Variants in GPC3 observed in about 807,000 individuals in gnomAD.
The protein encoded by GPC3 is glypican-3.
In GPC3, 3 loss-of-function variants were observed where a neutral mutation model predicts 34.4. The ratio of observed to expected loss-of-function variants is 0.09; its 90% CI spans 0.04 to 0.23. The LOEUF is 0.23. Ranked by LOEUF, GPC3 falls within the 10% of genes least tolerant of loss-of-function variation. The pLI is 1.00. For synonymous variants in GPC3, 177 were observed against 174.0 expected, an observed-to-expected ratio of 1.02 and a Z score of -0.13; for missense variants, 351 against 445.6, an observed-to-expected ratio of 0.79 and a Z score of 1.91.
Position 133,756,133 on chromosome X carries a change from G to A in GPC3, c.338-1957C>T, listed in dbSNP as rs143416903. On this transcript the variant is annotated intron_variant, in intron 2 of 7. Coordinates refer to ENST00000370818, the MANE Select transcript of GPC3 (RefSeq NM_004484.4). ...TCTACTTTTTACAACAATCTTTTAA[G>A]TTTGGTATTACAACTCCCATTTTAT... 4.6e-3 allele frequency among the ~76,000 whole-genome samples: 512 copies of A among 112,112 alleles called. 3 individuals carry two copies. Among genetic ancestry groups the A allele is most frequent in the African/African-American group, 0.016 (481 of 30,885 alleles).
At chrX:133,653,833 T>C (rs970495120) in intron 6 of GPC3, among the ~76,000 whole-genome samples, 1 of 112,045 alleles carries the variant, frequency 8.9e-6, no homozygotes, top group East Asian at 2.8e-4. Flanking sequence ...TATAAGAAAA[T>C]GTGTCTGTGT....
At chrX:133,791,753 G>A (rs753096387) in intron 2 of GPC3, among the ~76,000 whole-genome samples, 1 of 109,404 alleles carries the variant, frequency 9.1e-6, no homozygotes, top group African/African-American at 3.3e-5. Flanking sequence ...CACCCCACCT[G>A]CATCTCTCTC....
intron 3 of GPC3, among the ~76,000 whole-genome samples, chrX:133,711,708 G>C (rs1244121973): frequency 8.9e-6 from 1 of 111,875 alleles, no homozygotes; most frequent in East Asian, 2.8e-4. Context: ...GTATACAGGG[G>C]AAATTTCAAG....
chrX:133,922,345 T>C (rs1332652104), intron 2 of GPC3, among the ~76,000 whole-genome samples: 1 of 111,896 alleles, frequency 8.9e-6, no homozygotes, highest in African/African-American at 3.2e-5. Flanking sequence ...GTGTTTGTAC[T>C]AGTTGTGGTC....
chrX:133,604,270 A>G (rs891344426), intron 6 of GPC3, among the ~76,000 whole-genome samples: 1 of 111,999 alleles, frequency 8.9e-6, no homozygotes, highest in African/African-American at 3.2e-5. Flanking sequence ...ACATCAACGA[A>G]TGGGGCCTTC....
At chrX:133,681,110 G>T (rs2070938240) in intron 5 of GPC3, among the ~76,000 whole-genome samples, 1 of 111,847 alleles carries the variant, frequency 8.9e-6, no homozygotes, top group African/African-American at 3.2e-5. Context: ...TTTTTTATAG[G>T]TTTTTTTGAA....
intron 2 of GPC3, among the ~76,000 whole-genome samples, chrX:133,911,494 C>A (rs1224340263): frequency 9.0e-6 from 1 of 111,680 alleles, no homozygotes; most frequent in Non-Finnish European, 1.9e-5. Context: ...AGACAAGTCA[C>A]CAAAGGCTAA....
intron 2 of GPC3, among the ~76,000 whole-genome samples, chrX:133,833,050 G>C (rs1308577591): frequency 8.9e-6 from 1 of 112,214 alleles, no homozygotes; most frequent in Non-Finnish European, 1.9e-5. Context: ...AAATTAATTG[G>C]GTGGTGCCGT....
intron 2 of GPC3, among the ~76,000 whole-genome samples, chrX:133,892,785 A>G (rs969016287): frequency 9.0e-6 from 1 of 110,840 alleles, no homozygotes; most frequent in Non-Finnish European, 1.9e-5. Flanking sequence ...CAGTGTCCAC[A>G]CAACCGGCTA....
At chrX:133,665,064 C>A (rs1205819867) in intron 5 of GPC3, among the ~76,000 whole-genome samples, 1 of 112,037 alleles carries the variant, frequency 8.9e-6, no homozygotes. Flanking sequence ...TACTGATTAA[C>A]AGTAATTTGT....
Position 133,577,564 on chromosome X carries a change from T to C in GPC3, c.1573+18876A>G, listed in dbSNP as rs201658733. Among the ~76,000 whole-genome samples, 4 of 111,484 alleles carry C rather than the reference T, an allele frequency of 3.6e-5. No homozygotes were observed. In the East Asian group the frequency reaches 1.1e-3, roughly 31 times the overall value. ...TTACAGCATTCATCAAATGAGGTGCTCTGGGGGAGTCTGGGAAACTAGCCA... is the reference window on the plus strand; with the variant it reads ...TTACAGCATTCATCAAATGAGGTGCCCTGGGGGAGTCTGGGAAACTAGCCA... On this transcript the variant is annotated intron_variant, in intron 7 of 7. Transcript: ENST00000370818.
chrX:133,664,074 A>G (rs2070749499), intron 5 of GPC3, among the ~76,000 whole-genome samples: 1 of 112,406 alleles, frequency 8.9e-6, no homozygotes, highest in Non-Finnish European at 1.9e-5. Context: ...ATTTTGCTTA[A>G]AGTGAGGCAC....
intron 5 of GPC3, among the ~76,000 whole-genome samples, chrX:133,663,016 T>A (rs1485900671): frequency 8.9e-6 from 1 of 111,735 alleles, no homozygotes; most frequent in African/African-American, 3.3e-5. Context: ...AGTTGCCCCA[T>A]CAATCTGTCT....
rs1406335144 is a variant in GPC3, at chrX:133,854,929, A to ATAAGG, written c.337+98120_337+98121insCCTTA. ...TAACTATATATAATGATATGGTGAA[A>ATAAGG]TACTCATGATGCCATATTAAGTGAA... On this transcript the variant is annotated intron_variant, in intron 2 of 7. Transcript: ENST00000370818. 2.7e-5 allele frequency among the ~76,000 whole-genome samples: 3 copies of ATAAGG among 112,451 alleles called. No individual in the cohort carries two copies. In the East Asian group the frequency reaches 8.3e-4, roughly 31 times the overall value.
At chrX:133,886,504 G>A (rs760835796) in intron 2 of GPC3, among the ~76,000 whole-genome samples, 1 of 111,934 alleles carries the variant, frequency 8.9e-6, no homozygotes, top group Admixed American at 9.5e-5. Context: ...ACTGTAGAAT[G>A]ATTGAGTCAA....
At chrX:133,649,532 C>T (rs750461210) in intron 6 of GPC3, among the ~76,000 whole-genome samples, 114 of 110,807 alleles carry the variant, frequency 1.0e-3, no homozygotes, top group Non-Finnish European at 4.5e-4. Flanking sequence ...CACAACAGCT[C>T]GGGGAATGAC....
intron 6 of GPC3, among the ~76,000 whole-genome samples, chrX:133,616,697 ATTTT>A (rs765661060): frequency 4.2e-5 from 4 of 95,261 alleles, no homozygotes; most frequent in African/African-American, 1.2e-4. Flanking sequence ...ACAGAAATTG[ATTTT>A]TTTTTTTTTT....
intron 2 of GPC3, among the ~76,000 whole-genome samples, chrX:133,818,887 TC>T (rs1376831005): frequency 1.8e-5 from 2 of 110,543 alleles, no homozygotes; most frequent in East Asian, 5.7e-4. Context: ...ATGTTATGTT[TC>T]CATGTTATGT....
intron 3 of GPC3, among the ~76,000 whole-genome samples, chrX:133,706,176 T>C (rs989520214): frequency 8.9e-6 from 1 of 112,275 alleles, no homozygotes; most frequent in Non-Finnish European, 1.9e-5. Flanking sequence ...CTCCTATCTT[T>C]TACCATATAC....
Sources: gnomAD v4.1 joint callset for allele counts (sites outside exome capture counted in the v4.1 genomes callset) on GRCh38, gnomAD v4.1.1 for gene constraint, MANE v1.5 for transcripts, NCBI Gene and HGNC (gene_info 2026-07-23, HGNC 2026-07-21) for gene names.